Variants in MECOM observed in about 807,000 individuals in gnomAD.
The protein encoded by MECOM is MDS1 and EVI1 complex locus.
A neutral mutation model predicts 116.3 loss-of-function variants in MECOM; 13 were observed. The ratio of observed to expected loss-of-function variants is 0.11; its 90% CI spans 0.07 to 0.18. The LOEUF (loss-of-function observed/expected upper bound fraction) is 0.18, where lower values mean the gene tolerates loss of function less well. Among genes scored for constraint, MECOM ranks in the 10% least tolerant of loss-of-function variants. The pLI is 1.00. For missense variants in MECOM, 1,299 were observed against 1,509.0 expected (o/e 0.86, Z 2.31); for synonymous variants, 528 against 535.2 (o/e 0.99, Z 0.19).
rs567006799 is a variant in MECOM, at chr3:169,214,790, A to G, written c.376-70958T>C. 2.7e-5 allele frequency among the ~76,000 whole-genome samples: 4 copies of G among 149,314 alleles called. No homozygotes were observed. In the South Asian group the frequency reaches 8.4e-4, roughly 31 times the overall value. The stretch of plus-strand genomic sequence containing the variant: ...TAAGTCTTTAGGTTTTCAGAAAAAA[A>G]AGTTCTACAGGATTATATATTTATA... On this transcript the variant is annotated intron_variant, in intron 2 of 16. Coordinates refer to ENST00000651503, the MANE Select transcript of MECOM (RefSeq NM_004991.4).
At chr3:169,495,698 GACACTGGCCTC>G (rs1263347535) in intron 1 of MECOM, among the ~76,000 whole-genome samples, 2 of 152,090 alleles carry the variant, frequency 1.3e-5, no homozygotes, top group Non-Finnish European at 2.9e-5. Flanking sequence ...TGGTAATTTG[GACACTGGCCTC>G]ACTATCAAAA....
intron 2 of MECOM, among the ~76,000 whole-genome samples, chr3:169,209,839 C>G (rs957933390): frequency 1.3e-5 from 2 of 152,114 alleles, no homozygotes; most frequent in Non-Finnish European, 2.9e-5. Context: ...TTTGACCCAG[C>G]AATCCCATTA....
intron 1 of MECOM, among the ~76,000 whole-genome samples, chr3:169,546,596 G>A (rs777011412): frequency 7.2e-5 from 11 of 152,146 alleles, no homozygotes; most frequent in Non-Finnish European, 1.3e-4. Flanking sequence ...TGTGGCACTG[G>A]CCACTTCAAG....
At chr3:169,658,294 T>C (rs1462174783) in intron 1 of MECOM, among the ~76,000 whole-genome samples, 1 of 151,972 alleles carries the variant, frequency 6.6e-6, no homozygotes, top group Admixed American at 6.6e-5. Context: ...ATCATCAGAG[T>C]GTAACTTTTC....
intron 9 of MECOM, 84 bp from the exon 10 acceptor site, chr3:169,108,036 T>G: frequency 8.8e-7 from 1 of 1,135,978 alleles, no homozygotes; most frequent in Non-Finnish European, 1.3e-6. Context: ...AAATTAACAT[T>G]TGTACTAACT....
chr3:169,518,123 A>G (rs939227527), intron 1 of MECOM, among the ~76,000 whole-genome samples: 3 of 152,064 alleles, frequency 2.0e-5, no homozygotes, highest in Admixed American at 1.3e-4. Flanking sequence ...GACGGGCGTG[A>G]TGGCAGGCGC....
At chr3:169,466,182 G>T (rs1339212817) in intron 1 of MECOM, among the ~76,000 whole-genome samples, 1 of 152,174 alleles carries the variant, frequency 6.6e-6, no homozygotes, top group Non-Finnish European at 1.5e-5. Context: ...CCAACAGGCA[G>T]CCTCTCAAAA....
intron 3 of MECOM, among the ~76,000 whole-genome samples, chr3:169,136,962 GAAGTTGTAAT>G (rs1436686453): frequency 2.6e-5 from 4 of 152,066 alleles, no homozygotes; most frequent in Admixed American, 6.6e-5. Flanking sequence ...ACCTATGCAG[GAAGTTGTAAT>G]AATTGAAATA....
chr3:169,208,769 A>G (rs1451307490), intron 2 of MECOM, among the ~76,000 whole-genome samples: 1 of 152,128 alleles, frequency 6.6e-6, no homozygotes, highest in African/African-American at 2.4e-5. Context: ...ATACTGCCCA[A>G]AGTAATTTAT....
intron 1 of MECOM, among the ~76,000 whole-genome samples, chr3:169,647,649 C>A (rs909333311): frequency 1.3e-5 from 2 of 152,120 alleles, no homozygotes; most frequent in East Asian, 1.9e-4. Context: ...ATTCTTAATA[C>A]CCTCTTAGCA....
In MECOM at chr3:169,084,229, C is replaced by T. The variant is rs935731093; in HGVS notation, c.*680G>A. ...GGCAAACAATTTATTAGTGGTACAGCGGTACTGGTGATGAATAGGTTACTT... is the reference window on the plus strand; with the variant it reads ...GGCAAACAATTTATTAGTGGTACAGTGGTACTGGTGATGAATAGGTTACTT... On this transcript the variant is annotated 3_prime_UTR_variant, in exon 17 of 17. Transcript: ENST00000651503. The T allele has an allele frequency of 1.7e-5, 4 of 231,188 alleles. No individual in the cohort carries two copies. The highest frequency in any genetic ancestry group is 5.6e-5 in the Admixed American group (1 of 17,720). The allele number at this position is 231,188 out of a possible 1,614,324, so 14.3% of individuals were successfully genotyped here. A position where few individuals can be genotyped will look rare whatever the true frequency, so the allele number is the denominator to read the frequency against.
intron 1 of MECOM, among the ~76,000 whole-genome samples, chr3:169,457,916 C>T (rs1423616822): frequency 6.6e-6 from 1 of 152,052 alleles, no homozygotes; most frequent in African/African-American, 2.4e-5. Context: ...TTTCTAAGCA[C>T]GAGGAAAGAA....
chr3:169,388,827 T>C (rs1733788347), intron 1 of MECOM, among the ~76,000 whole-genome samples: 1 of 152,188 alleles, frequency 6.6e-6, no homozygotes, highest in Non-Finnish European at 1.5e-5. Flanking sequence ...TAAGCTTCCT[T>C]GCACTTTTAG....
chr3:169,471,993 G>A (rs1262610722), intron 1 of MECOM, among the ~76,000 whole-genome samples: 1 of 151,914 alleles, frequency 6.6e-6, no homozygotes, highest in Non-Finnish European at 1.5e-5. Flanking sequence ...TAGACTTCAT[G>A]TTGTCTGGAA....
Position 169,647,827 on chromosome 3 carries a change from G to A in MECOM, c.37+15509C>T, listed in dbSNP as rs1227156351. On this transcript the variant is annotated intron_variant, in intron 1 of 16. Coordinates refer to ENST00000651503, the MANE Select transcript of MECOM (RefSeq NM_004991.4). The stretch of plus-strand genomic sequence containing the variant: ...TAGTTATTGTTCCTCTCTTACGCTT[G>A]AGGACACTGAGGCTCAGAGGGTTAA... Among the ~76,000 whole-genome samples the A allele has an allele frequency of 1.3e-5, 2 of 152,124 alleles. 1 individual carries two copies. Among genetic ancestry groups the A allele is most frequent in the East Asian group, 3.9e-4 (2 of 5,188 alleles).
intron 2 of MECOM, among the ~76,000 whole-genome samples, chr3:169,358,005 T>C (rs544499210): frequency 2.0e-5 from 3 of 151,930 alleles, no homozygotes; most frequent in East Asian, 3.9e-4. Flanking sequence ...TGTTATTTTA[T>C]GCACTTTACC....
At chr3:169,120,152 C>T (rs1053194015) in intron 7 of MECOM, among the ~76,000 whole-genome samples, 2 of 152,136 alleles carry the variant, frequency 1.3e-5, no homozygotes, top group South Asian at 2.1e-4. Context: ...TCAGTCTTGA[C>T]GTTTGTAGCA....
intron 2 of MECOM, among the ~76,000 whole-genome samples, chr3:169,226,558 G>A (rs777871495): frequency 2.7e-4 from 41 of 152,110 alleles, no homozygotes; most frequent in South Asian, 6.2e-4. Flanking sequence ...TATTCTCCCC[G>A]TTTTATTTAT....
intron 12 of MECOM, among the ~76,000 whole-genome samples, chr3:169,096,437 AT>A (rs1445739194): frequency 6.6e-6 from 1 of 151,824 alleles, no homozygotes. Context: ...TGCTCGGCTA[AT>A]TTTTGTATTT....
Sources: gnomAD v4.1 joint callset for allele counts (sites outside exome capture counted in the v4.1 genomes callset) on GRCh38, gnomAD v4.1.1 for gene constraint, MANE v1.5 for transcripts, NCBI Gene and HGNC (gene_info 2026-07-23, HGNC 2026-07-21) for gene names.